Variants in CSMD1 observed in about 807,000 individuals in gnomAD.
CSMD1 encodes CUB and sushi domain-containing protein 1.
A neutral mutation model predicts 417.5 loss-of-function variants in CSMD1; 213 were observed. The ratio of observed to expected loss-of-function variants is 0.51; its 90% confidence interval spans 0.46 to 0.57. The LOEUF is 0.57. Ranked by LOEUF, CSMD1 falls within the 20% of genes least tolerant of loss-of-function variation. The pLI is 0.00. For missense variants in CSMD1, 6,923 were observed against 4,529.7 expected (o/e 1.53, Z -15.17); for synonymous variants, 2,862 against 1,736.8 (o/e 1.65, Z -16.11).
chr8:4,412,646 T>G (rs2128935500), intron 3 of CSMD1, among the ~76,000 whole-genome samples: 1 of 152,326 alleles, frequency 6.6e-6, no homozygotes, highest in East Asian at 1.9e-4. Flanking sequence ...AATCAGAAAC[T>G]AGATTTTCTG....
intron 3 of CSMD1, among the ~76,000 whole-genome samples, chr8:4,308,869 A>T (rs1798401958): frequency 1.3e-5 from 2 of 152,308 alleles, no homozygotes; most frequent in Admixed American, 1.3e-4. Context: ...TAATGATTAT[A>T]TTATAGCTAT....
rs550068127 is a variant in CSMD1, at chr8:4,697,292, G to C, written c.86-59734C>G. 3.9e-5 allele frequency among the ~76,000 whole-genome samples: 6 copies of C among 152,194 alleles called. No homozygotes were observed. In the South Asian group the frequency reaches 8.3e-4, roughly 21 times the overall value. On this transcript the variant is annotated intron_variant, in intron 1 of 69. Transcript: ENST00000635120. ...ATAGCAAGACAAGATGAAAACAAGA[G>C]GACCACCTGGACTTAGTTATCATTG...
chr8:3,235,234 A>G (rs1404708491), intron 26 of CSMD1, among the ~76,000 whole-genome samples: 4 of 152,206 alleles, frequency 2.6e-5, no homozygotes, highest in African/African-American at 7.2e-5. Context: ...GAGGTGAGCC[A>G]AGGACATCAG....
intron 5 of CSMD1, among the ~76,000 whole-genome samples, chr8:3,911,893 T>C (rs1270504079): frequency 1.3e-5 from 2 of 152,210 alleles, no homozygotes; most frequent in Non-Finnish European, 2.9e-5. Context: ...TCCGTTATCT[T>C]TTCTCACCAT....
intron 1 of CSMD1, among the ~76,000 whole-genome samples, chr8:4,800,391 T>C (rs939589486): frequency 8.4e-5 from 12 of 143,592 alleles, no homozygotes; most frequent in African/African-American, 2.6e-4. Context: ...AGATCAGAGA[T>C]CACGCCACTG....
At chr8:4,103,614 A>G (rs1163404481) in intron 3 of CSMD1, among the ~76,000 whole-genome samples, 1 of 152,168 alleles carries the variant, frequency 6.6e-6, no homozygotes, top group Non-Finnish European at 1.5e-5. Context: ...TCATGTAAAC[A>G]CTTGTGTAGT....
chr8:4,092,432 C>G (rs1424261219), intron 3 of CSMD1, among the ~76,000 whole-genome samples: 1 of 152,032 alleles, frequency 6.6e-6, no homozygotes, highest in Non-Finnish European at 1.5e-5. Context: ...TATTATGAGA[C>G]TATATTATGA....
At chr8:4,154,841 G>T (rs992457523) in intron 3 of CSMD1, among the ~76,000 whole-genome samples, 1 of 152,060 alleles carries the variant, frequency 6.6e-6, no homozygotes, top group Non-Finnish European at 1.5e-5. Flanking sequence ...ATTAGTGAAA[G>T]CTTTCTGATT....
At chr8:4,658,913 C>T (rs891941218) in intron 1 of CSMD1, among the ~76,000 whole-genome samples, 12 of 151,902 alleles carry the variant, frequency 7.9e-5, no homozygotes, top group African/African-American at 2.4e-4. Flanking sequence ...ATTGAAAATA[C>T]GTTGATATTA....
intron 5 of CSMD1, among the ~76,000 whole-genome samples, chr8:3,983,184 G>T (rs559657092): frequency 6.8e-6 from 1 of 147,226 alleles, no homozygotes; most frequent in African/African-American, 2.6e-5. Context: ...AGGCTGGAGT[G>T]CAGTGGCGCG....
At chr8:4,324,150 T>A (rs1799421982) in intron 3 of CSMD1, among the ~76,000 whole-genome samples, 1 of 152,220 alleles carries the variant, frequency 6.6e-6, no homozygotes, top group South Asian at 2.1e-4. Flanking sequence ...CAATTATCAA[T>A]GCTGACAAAC....
At chr8:2,962,029 A>T (rs1294101754) in intron 61 of CSMD1, among the ~76,000 whole-genome samples, 1 of 152,226 alleles carries the variant, frequency 6.6e-6, no homozygotes, top group Non-Finnish European at 1.5e-5. Flanking sequence ...AATTAGTAGA[A>T]CACCCATTAT....
chr8:3,754,730 C>T (rs564254998), intron 5 of CSMD1, among the ~76,000 whole-genome samples: 1 of 152,196 alleles, frequency 6.6e-6, no homozygotes, highest in Non-Finnish European at 1.5e-5. Context: ...GCTTGGATTA[C>T]AAGCGTGAGC....
At chr8:3,887,911 T>A (rs765235639) in intron 5 of CSMD1, among the ~76,000 whole-genome samples, 18 of 152,144 alleles carry the variant, frequency 1.2e-4, no homozygotes, top group Non-Finnish European at 2.5e-4. Flanking sequence ...TCAGTTGACA[T>A]CAATTACAAT....
intron 3 of CSMD1, among the ~76,000 whole-genome samples, chr8:4,107,697 G>A (rs1000802518): frequency 3.9e-5 from 6 of 152,032 alleles, no homozygotes; most frequent in African/African-American, 9.7e-5. Flanking sequence ...ACAGGGAACC[G>A]GGCAGCGCAC....
chr8:3,452,812 C>G (rs1401777899), intron 12 of CSMD1, among the ~76,000 whole-genome samples: 1 of 152,172 alleles, frequency 6.6e-6, no homozygotes, highest in Admixed American at 6.5e-5. Flanking sequence ...GCTTTGGTAT[C>G]AGGATGATGT....
At chr8:4,202,926 G>C (rs1311587401) in intron 3 of CSMD1, among the ~76,000 whole-genome samples, 2 of 152,128 alleles carry the variant, frequency 1.3e-5, no homozygotes, top group East Asian at 1.9e-4. Context: ...AGTGAGGAGA[G>C]ATGTTGGCCT....
At chr8:4,177,670 G>C (rs1798127873) in intron 3 of CSMD1, among the ~76,000 whole-genome samples, 1 of 140,928 alleles carries the variant, frequency 7.1e-6, no homozygotes, top group South Asian at 2.6e-4. Context: ...CAACAAAATT[G>C]ATAGACCGCT....
At chr8:3,467,607 G>A (rs192728322) in intron 12 of CSMD1, among the ~76,000 whole-genome samples, 1 of 152,190 alleles carries the variant, frequency 6.6e-6, no homozygotes, top group East Asian at 1.9e-4. Context: ...TGTCAGCAAG[G>A]AGGGACCCTA....
Sources: allele counts gnomAD v4.1 joint callset (sites outside exome capture counted in the v4.1 genomes callset), GRCh38; gene constraint gnomAD v4.1.1; transcripts MANE v1.5; gene names NCBI Gene and HGNC (gene_info 2026-07-23, HGNC 2026-07-21).